Variants in EYS observed in about 807,000 individuals in gnomAD.
EYS encodes protein eyes shut homolog.
Under a neutral mutation model 282.1 loss-of-function variants are expected in EYS, and 250 were observed. That is an observed-to-expected ratio of 0.89 (90% CI 0.80 to 0.98). The LOEUF (loss-of-function observed/expected upper bound fraction) is 0.98, where lower values mean the gene tolerates loss of function less well. Among genes scored for constraint, EYS ranks in the 50% least tolerant of loss-of-function variants. The probability of loss-of-function intolerance (pLI) is 0.00; values close to 1 mark genes in which losing one functional copy is unlikely to be tolerated. For synonymous variants in EYS, 1,355 were observed against 1,282.9 expected, an observed-to-expected ratio of 1.06 and a Z score of -1.20; for missense variants, 4,016 against 3,709.0, an observed-to-expected ratio of 1.08 and a Z score of -2.15.
chr6:64,559,958 G>A (rs1195166406), intron 26 of EYS, among the ~76,000 whole-genome samples: 1 of 151,960 alleles, frequency 6.6e-6, no homozygotes, highest in East Asian at 1.9e-4. Flanking sequence ...TCTCCTCTTT[G>A]AGTCCACGTG....
chr6:65,367,785 T>A (rs1038346756), intron 8 of EYS, among the ~76,000 whole-genome samples: 1 of 151,710 alleles, frequency 6.6e-6, no homozygotes, highest in Non-Finnish European at 1.5e-5. Context: ...ATAGCTAATA[T>A]CAATTATTAT....
intron 22 of EYS, among the ~76,000 whole-genome samples, chr6:64,754,376 C>G (rs1772862817): frequency 1.1e-5 from 1 of 94,038 alleles, no homozygotes. Flanking sequence ...AAACCCAGGA[C>G]CAGTCAGATT....
At chr6:64,825,774 C>A (rs572266366) in intron 19 of EYS, among the ~76,000 whole-genome samples, 2 of 151,878 alleles carry the variant, frequency 1.3e-5, no homozygotes, top group South Asian at 4.2e-4. Flanking sequence ...TGTGGAGGGT[C>A]TTGGACTTTG....
chr6:64,852,715 A>C (rs1006330606), intron 19 of EYS, among the ~76,000 whole-genome samples: 29 of 152,070 alleles, frequency 1.9e-4, no homozygotes, highest in African/African-American at 6.5e-4. Context: ...AGATACAGGG[A>C]GAAATGGCAT....
At chr6:65,003,936 T>C (rs1284380513) in intron 13 of EYS, among the ~76,000 whole-genome samples, 1 of 147,390 alleles carries the variant, frequency 6.8e-6, no homozygotes, top group East Asian at 2.1e-4. Flanking sequence ...TCAACAAAAT[T>C]ACCCATTTTA....
chr6:64,989,394 A>AATCTATATATATAT (rs1554224808), intron 14 of EYS, among the ~76,000 whole-genome samples: 1 of 69,722 alleles, frequency 1.4e-5, no homozygotes, highest in African/African-American at 7.6e-5. Context: ...GGCTAGCTGT[A>AATCTATATATATAT]ATATATATAT....
chr6:64,474,033 G>T (rs938470962), intron 26 of EYS, among the ~76,000 whole-genome samples: 8 of 151,816 alleles, frequency 5.3e-5, no homozygotes, highest in African/African-American at 1.9e-4. Flanking sequence ...CCCCATTTTT[G>T]TCCATTTTTA....
chr6:64,260,022 C>A (rs1190094653), intron 30 of EYS, among the ~76,000 whole-genome samples: 1 of 151,896 alleles, frequency 6.6e-6, no homozygotes, highest in Non-Finnish European at 1.5e-5. Context: ...GAAGTAAAGA[C>A]TTAATGTTTT....
chr6:64,287,673 C>A (rs1024636035), intron 30 of EYS, among the ~76,000 whole-genome samples: 1 of 151,914 alleles, frequency 6.6e-6, no homozygotes, highest in Non-Finnish European at 1.5e-5. Flanking sequence ...AAAATCCCAC[C>A]CTCTGTTAGA....
chr6:65,189,569 TATTA>T (rs1765594113), intron 12 of EYS, among the ~76,000 whole-genome samples: 1 of 151,776 alleles, frequency 6.6e-6, no homozygotes, highest in African/African-American at 2.4e-5. Context: ...AAATAAAATT[TATTA>T]ATTATGTCTC....
intron 12 of EYS, among the ~76,000 whole-genome samples, chr6:65,159,809 G>A (rs532046523): frequency 6.6e-6 from 1 of 150,794 alleles, no homozygotes; most frequent in Non-Finnish European, 1.5e-5. Flanking sequence ...AGAAAAAATG[G>A]TGTAAATGTC....
chr6:65,696,795 T>C (rs1402070703), intron 1 of EYS, among the ~76,000 whole-genome samples: 1 of 152,046 alleles, frequency 6.6e-6, no homozygotes. Flanking sequence ...AAATGTATTT[T>C]ATGCACTGCT....
At chr6:64,302,181 C>T (rs918100413) in intron 30 of EYS, among the ~76,000 whole-genome samples, 3 of 152,140 alleles carry the variant, frequency 2.0e-5, no homozygotes, top group African/African-American at 7.2e-5. Flanking sequence ...GACGTCACTG[C>T]TTGACCAAGC....
intron 14 of EYS, among the ~76,000 whole-genome samples, chr6:64,985,501 T>C (rs1770827645): frequency 6.6e-6 from 1 of 151,586 alleles, no homozygotes; most frequent in African/African-American, 2.4e-5. Context: ...AGAATTCACT[T>C]AGAACAATTC....
At chr6:63,992,179 T>G (rs1357539421) in intron 34 of EYS, among the ~76,000 whole-genome samples, 1 of 151,854 alleles carries the variant, frequency 6.6e-6, no homozygotes, top group African/African-American at 2.4e-5. Flanking sequence ...ATGGTAGGTA[T>G]GTATACAAAT....
intron 2 of EYS, among the ~76,000 whole-genome samples, chr6:65,519,483 A>G (rs1227482160): frequency 6.6e-6 from 1 of 150,426 alleles, no homozygotes; most frequent in Admixed American, 6.7e-5. Context: ...CAAATACTAG[A>G]TAACTAATAA....
At chr6:64,028,221 T>C (rs1769632781) in intron 33 of EYS, among the ~76,000 whole-genome samples, 1 of 152,186 alleles carries the variant, frequency 6.6e-6, no homozygotes, top group Non-Finnish European at 1.5e-5. Flanking sequence ...GGAAGGACAA[T>C]TTGGAAGGGC....
intron 14 of EYS, among the ~76,000 whole-genome samples, chr6:64,971,843 T>C (rs967487278): frequency 6.6e-6 from 1 of 152,098 alleles, no homozygotes; most frequent in African/African-American, 2.4e-5. Context: ...AATTATAACA[T>C]TGGAGATGCC....
At chr6:65,451,473 T>A (rs1764396102) in intron 5 of EYS, among the ~76,000 whole-genome samples, 1 of 152,080 alleles carries the variant, frequency 6.6e-6, no homozygotes, top group Admixed American at 6.6e-5. Flanking sequence ...TCAATGTAAA[T>A]GCTCAATAAA....
Sources: gnomAD v4.1 joint callset for allele counts (sites outside exome capture counted in the v4.1 genomes callset) on GRCh38, gnomAD v4.1.1 for gene constraint, MANE v1.5 for transcripts, NCBI Gene and HGNC (gene_info 2026-07-23, HGNC 2026-07-21) for gene names.